The following ARSG variants were observed in gnomAD, a reference collection of about 807,000 sequenced individuals.
ARSG encodes the protein ASG.
Under a neutral mutation model 50.5 loss-of-function variants are expected in ARSG, and 37 were observed. The ratio of observed to expected loss-of-function variants is 0.73; its 90% confidence interval spans 0.56 to 0.96. The LOEUF is 0.96. Ranked by LOEUF, ARSG falls within the 50% of genes least tolerant of loss-of-function variation. The pLI is 0.00. For missense variants in ARSG, 629 were observed against 675.3 expected (o/e 0.93, Z 0.76); for synonymous variants, 225 against 254.6 (o/e 0.88, Z 1.11).
chr17:68,298,763 C>T (rs1366288664), intron 1 of ARSG, among the ~76,000 whole-genome samples: 1 of 152,150 alleles, frequency 6.6e-6, no homozygotes, highest in Non-Finnish European at 1.5e-5. Context: ...CACCTTCTTG[C>T]TGTGTCCTCA....
chr17:68,290,395 TTGCTACGGAAC>T (rs2075944657), upstream of ARSG, among the ~76,000 whole-genome samples: 1 of 152,244 alleles, frequency 6.6e-6, no homozygotes, highest in African/African-American at 2.4e-5. Context: ...CCATCTTCCC[TTGCTACGGAAC>T]TGCTTGGCGA....
chr17:68,382,275 G>T (rs993569982), intron 8 of ARSG, among the ~76,000 whole-genome samples: 3 of 152,066 alleles, frequency 2.0e-5, no homozygotes, highest in Non-Finnish European at 4.4e-5. Context: ...ATGTGACTTG[G>T]GGGCAAATTA....
At chr17:68,347,533 C>T (rs769344203) in intron 4 of ARSG, among the ~76,000 whole-genome samples, 35 of 152,270 alleles carry the variant, frequency 2.3e-4, no homozygotes, top group South Asian at 4.1e-4. Context: ...ATGGGTTCAC[C>T]GAAGCAGGAA....
chr17:68,419,017 C>CAA (rs3072871), intron 11 of ARSG, among the ~76,000 whole-genome samples: 29,016 of 112,610 alleles, frequency 0.26, 3,198 homozygotes, highest in Middle Eastern at 0.35. Context: ...ATAGCAAAGC[C>CAA]AAAAAAAAAA....
chr17:68,289,255 G>A, upstream of ARSG, among the ~76,000 whole-genome samples: 1 of 152,098 alleles, frequency 6.6e-6, no homozygotes, highest in East Asian at 1.9e-4. Flanking sequence ...CAGAGATGAC[G>A]CTACTGCACT....
chr17:68,287,458 C>G (rs2075867413), upstream of ARSG, among the ~76,000 whole-genome samples: 1 of 152,002 alleles, frequency 6.6e-6, no homozygotes, highest in Non-Finnish European at 1.5e-5. Context: ...CCTCACCTAG[C>G]CAGATGGTGG....
intron 1 of ARSG, chr17:68,278,161 C>A (rs1555751608): frequency 1.2e-6 from 2 of 1,614,132 alleles, no homozygotes; most frequent in South Asian, 2.2e-5. Flanking sequence ...TTAAAACTGT[C>A]CATTAAGTCA....
rs1012937836 is a variant in ARSG, at chr17:68,301,907, T to A, written c.-551-5036T>A. 2.6e-5 allele frequency among the ~76,000 whole-genome samples: 4 copies of A among 151,980 alleles called. No homozygotes were observed. In the South Asian group the frequency reaches 8.3e-4, roughly 32 times the overall value. Reference sequence around the variant, plus strand: ...CCTTATCCAAATTGTGTTTTCTCGATGAGATTGTCCCAGACCACCCCCTTT... The same window carrying A: ...CCTTATCCAAATTGTGTTTTCTCGAAGAGATTGTCCCAGACCACCCCCTTT... On this transcript the variant is annotated intron_variant, in intron 1 of 11. Coordinates refer to ENST00000621439, the MANE Select transcript of ARSG (RefSeq NM_001267727.2).
intron 2 of ARSG, among the ~76,000 whole-genome samples, chr17:68,313,649 T>C (rs1348980915): frequency 6.6e-6 from 1 of 151,878 alleles, no homozygotes; most frequent in Non-Finnish European, 1.5e-5. Flanking sequence ...TTCAGTCTGG[T>C]GCAATTAGCT....
the ARSG span, among the ~76,000 whole-genome samples, chr17:68,435,423 C>T: frequency 2.6e-5 from 4 of 152,166 alleles, 1 homozygote; most frequent in Admixed American, 2.6e-4. Flanking sequence ...TATTGCAGGC[C>T]CCTGGCCTAT....
intron 3 of ARSG, among the ~76,000 whole-genome samples, chr17:68,344,891 C>T (rs962741620): frequency 1.3e-5 from 2 of 152,222 alleles, no homozygotes; most frequent in Non-Finnish European, 2.9e-5. Context: ...TACCCAGACC[C>T]AGGGCTGGTG....
At chr17:68,331,199 T>C (rs941609237) in intron 2 of ARSG, among the ~76,000 whole-genome samples, 2 of 34,640 alleles carry the variant, frequency 5.8e-5, no homozygotes, top group Admixed American at 3.1e-4. Flanking sequence ...CTTTCTTTCT[T>C]TCTTTCTTTC....
chr17:68,406,465 T>G (rs2081725730), intron 11 of ARSG, among the ~76,000 whole-genome samples: 1 of 152,180 alleles, frequency 6.6e-6, no homozygotes, highest in South Asian at 2.1e-4. Flanking sequence ...GAATCTGTTT[T>G]CCATAGCGGC....
chr17:68,360,043 AG>A (rs1277616150), intron 6 of ARSG, among the ~76,000 whole-genome samples: 40 of 152,208 alleles, frequency 2.6e-4, no homozygotes, highest in African/African-American at 9.1e-4. Flanking sequence ...CTGTGTTCTT[AG>A]GGGAAGGAAT....
At chr17:68,269,057 C>G in intron 1 of ARSG, 1 of 1,587,894 alleles carries the variant, frequency 6.3e-7, no homozygotes, top group South Asian at 1.2e-5. Flanking sequence ...CCCCATCCCT[C>G]TCCAGCCAAC....
At chr17:68,308,543 G>A (rs1485584794) in intron 2 of ARSG, among the ~76,000 whole-genome samples, 1 of 152,218 alleles carries the variant, frequency 6.6e-6, no homozygotes, top group African/African-American at 2.4e-5. Context: ...AAAGCAGTGT[G>A]GACCCAAAGA....
upstream of ARSG, among the ~76,000 whole-genome samples, chr17:68,289,394 G>A (rs2075915457): frequency 6.6e-6 from 1 of 152,046 alleles, no homozygotes; most frequent in Admixed American, 6.6e-5. Flanking sequence ...TTGGCCCGAG[G>A]GCATGAAAAA....
chr17:68,268,585 TA>T, intron 1 of ARSG: 1 of 152,616 alleles, frequency 6.6e-6, no homozygotes, highest in East Asian at 1.9e-4. Context: ...TTCTGAAAAT[TA>T]GGAATTTTAA....
chr17:68,333,676 A>AAT, intron 2 of ARSG, among the ~76,000 whole-genome samples: 1 of 145,894 alleles, frequency 6.9e-6, no homozygotes, highest in Non-Finnish European at 1.5e-5. Context: ...ATAATAATAA[A>AAT]AGAGTAATAA....
Sources: allele counts gnomAD v4.1 joint callset (sites outside exome capture counted in the v4.1 genomes callset), GRCh38; gene constraint gnomAD v4.1.1; transcripts MANE v1.5; gene names NCBI Gene and HGNC (gene_info 2026-07-23, HGNC 2026-07-21).